The following GRM7 variants were observed in gnomAD, a reference collection of about 807,000 sequenced individuals.
The protein encoded by GRM7 is glutamate metabotropic receptor 7, also known as metabotropic glutamate receptor 7.
Under a neutral mutation model 84.5 loss-of-function variants are expected in GRM7, and 35 were observed. The observed-to-expected ratio is 0.41, with a 90% CI of 0.32 to 0.55. GRM7 has a LOEUF of 0.55. GRM7 is among the 20% of genes least tolerant of loss of function. The pLI is 0.19. For missense variants in GRM7, 1,003 were observed against 1,194.6 expected, an observed-to-expected ratio of 0.84 and a Z score of 2.36; for synonymous variants, 487 against 455.1, an observed-to-expected ratio of 1.07 and a Z score of -0.89.
At chr3:7,625,222 G>A (rs1697552298) in intron 8 of GRM7, among the ~76,000 whole-genome samples, 1 of 152,104 alleles carries the variant, frequency 6.6e-6, no homozygotes, top group Non-Finnish European at 1.5e-5. Context: ...GGCCAGCAAT[G>A]CGGTGGTGCA....
intron 1 of GRM7, among the ~76,000 whole-genome samples, chr3:6,989,386 T>C (rs890534256): frequency 6.6e-6 from 1 of 152,350 alleles, no homozygotes; most frequent in Middle Eastern, 3.4e-3. Flanking sequence ...CTCAGAAGCA[T>C]TAGGACAGTG....
At chr3:6,984,434 AT>A (rs1694323701) in intron 1 of GRM7, among the ~76,000 whole-genome samples, 1 of 152,150 alleles carries the variant, frequency 6.6e-6, no homozygotes, top group East Asian at 1.9e-4. Context: ...AATTACATAG[AT>A]TTCATTACGT....
At chr3:7,085,986 TG>T (rs1331490334) in intron 1 of GRM7, among the ~76,000 whole-genome samples, 1 of 152,200 alleles carries the variant, frequency 6.6e-6, no homozygotes, top group Non-Finnish European at 1.5e-5. Flanking sequence ...TGAGTACTAA[TG>T]ACTTGGCTTT....
At chr3:7,405,092 G>A (rs1041898012) in intron 4 of GRM7, among the ~76,000 whole-genome samples, 1 of 152,052 alleles carries the variant, frequency 6.6e-6, no homozygotes, top group Non-Finnish European at 1.5e-5. Flanking sequence ...CCAAAGCTCT[G>A]GGCATAGTAG....
intron 4 of GRM7, among the ~76,000 whole-genome samples, chr3:7,334,662 G>A (rs1175535955): frequency 1.3e-5 from 2 of 152,050 alleles, no homozygotes; most frequent in African/African-American, 4.8e-5. Context: ...AGTATCTGCT[G>A]TCTTCAAGAG....
intron 1 of GRM7, among the ~76,000 whole-genome samples, chr3:7,077,172 T>C (rs556447051): frequency 1.3e-5 from 2 of 152,284 alleles, no homozygotes; most frequent in Admixed American, 1.3e-4. Context: ...TGGCAATTCC[T>C]GAAAGATCTA....
chr3:6,948,503 G>A (rs1183816302), intron 1 of GRM7, among the ~76,000 whole-genome samples: 1 of 152,124 alleles, frequency 6.6e-6, no homozygotes, highest in Admixed American at 6.6e-5. Flanking sequence ...AATAGGTGTG[G>A]TGTGGTTCTG....
chr3:7,624,385 A>C lies in GRM7; in HGVS notation c.2451+45028A>C, dbSNP rs142473687. Among the ~76,000 whole-genome samples the C allele has an allele frequency of 1.0e-3, 156 of 152,280 alleles. 1 individual carries two copies. The highest frequency in any genetic ancestry group is 0.01 in the Middle Eastern group (3 of 294). Reference sequence around the variant, plus strand: ...AGAGAAAACCATAATAGCACCTCTAACATACTGAGAAACTCCAAAACTACA... The same window carrying C: ...AGAGAAAACCATAATAGCACCTCTACCATACTGAGAAACTCCAAAACTACA... On this transcript the variant is annotated intron_variant, in intron 8 of 9. Transcript: ENST00000357716.
chr3:7,040,086 T>C (rs981671106), intron 1 of GRM7, among the ~76,000 whole-genome samples: 1 of 152,038 alleles, frequency 6.6e-6, no homozygotes. Flanking sequence ...TAGGCCAGCA[T>C]ACCCTTTGCA....
chr3:7,506,891 A>C (rs1700055959), intron 7 of GRM7, among the ~76,000 whole-genome samples: 1 of 152,202 alleles, frequency 6.6e-6, no homozygotes, highest in Non-Finnish European at 1.5e-5. Context: ...TTTCCAGTAC[A>C]TGAGCTTTTG....
chr3:7,001,464 C>T (rs762332885), intron 1 of GRM7, among the ~76,000 whole-genome samples: 1 of 152,204 alleles, frequency 6.6e-6, no homozygotes, highest in Non-Finnish European at 1.5e-5. Context: ...AGATGAGCTA[C>T]TTAATTATGA....
intron 1 of GRM7, among the ~76,000 whole-genome samples, chr3:7,100,290 T>A (rs569411824): frequency 6.6e-6 from 1 of 151,826 alleles, no homozygotes; most frequent in South Asian, 2.1e-4. Context: ...GTGTACTTGG[T>A]AATGTAGGAT....
At chr3:7,052,089 T>C (rs1466250121) in intron 1 of GRM7, among the ~76,000 whole-genome samples, 1 of 151,748 alleles carries the variant, frequency 6.6e-6, no homozygotes, top group Non-Finnish European at 1.5e-5. Context: ...ATTTTGCTTA[T>C]ACTTTGTTCC....
In GRM7 at chr3:7,622,938, G is replaced by C. The variant is rs75744091; in HGVS notation, c.2451+43581G>C. ...GCTGAAGGAGGTTCCAGGGGAAAGTGGGGGGTTGCAGGCCCAGAAGATAAG... is the reference window on the plus strand; with the variant it reads ...GCTGAAGGAGGTTCCAGGGGAAAGTCGGGGGTTGCAGGCCCAGAAGATAAG... On this transcript the variant is annotated intron_variant, in intron 8 of 9. Transcript: ENST00000357716. 1.9e-3 allele frequency among the ~76,000 whole-genome samples: 278 copies of C among 150,254 alleles called. 2 individuals are homozygous for C. The highest frequency in any genetic ancestry group is 6.5e-3 in the African/African-American group (265 of 40,538).
At chr3:7,058,835 T>C (rs1162165672) in intron 1 of GRM7, among the ~76,000 whole-genome samples, 2 of 151,792 alleles carry the variant, frequency 1.3e-5, no homozygotes. Flanking sequence ...CTTAGAACTT[T>C]CTAAAAGAGG....
At chr3:7,470,153 A>C (rs1424075770) in intron 7 of GRM7, among the ~76,000 whole-genome samples, 1 of 152,082 alleles carries the variant, frequency 6.6e-6, no homozygotes, top group East Asian at 1.9e-4. Context: ...CTAGCATTTT[A>C]TTTCATTCAC....
intron 1 of GRM7, among the ~76,000 whole-genome samples, chr3:7,007,409 T>C (rs1695219849): frequency 6.6e-6 from 1 of 152,182 alleles, no homozygotes; most frequent in African/African-American, 2.4e-5. Context: ...GTAGCAGATA[T>C]TATATCCCCA....
intron 1 of GRM7, among the ~76,000 whole-genome samples, chr3:7,042,508 T>C (rs1353624996): frequency 1.3e-5 from 2 of 148,848 alleles, no homozygotes; most frequent in East Asian, 4.0e-4. Flanking sequence ...TCTGTTTGCT[T>C]GTTTTCCCCC....
intron 2 of GRM7, among the ~76,000 whole-genome samples, chr3:7,274,734 G>A (rs565094427): frequency 8.6e-5 from 13 of 151,938 alleles, no homozygotes; most frequent in South Asian, 6.2e-4. Context: ...TTTGAAAATC[G>A]TATGTTTAGT....
Sources: gnomAD v4.1 joint callset for allele counts (sites outside exome capture counted in the v4.1 genomes callset) on GRCh38, gnomAD v4.1.1 for gene constraint, MANE v1.5 for transcripts, NCBI Gene and HGNC (gene_info 2026-07-23, HGNC 2026-07-21) for gene names.